CAMKMT: variants seen among roughly 807,000 people sequenced by gnomAD.
CAMKMT encodes CaM KMT.
In CAMKMT, 53 loss-of-function variants were observed where a neutral mutation model predicts 48.0. The ratio of observed to expected loss-of-function variants is 1.10; its 90% CI spans 0.89 to 1.39. The LOEUF (loss-of-function observed/expected upper bound fraction) is 1.39, where lower values mean the gene tolerates loss of function less well. CAMKMT is among the 40% of genes most tolerant of loss of function. CAMKMT has a pLI of 0.00. For missense variants in CAMKMT, 428 were observed against 402.7 expected (o/e 1.06, Z -0.54); for synonymous variants, 165 against 152.3 (o/e 1.08, Z -0.61).
chr2:44,748,808 C>T (rs1288309991), intron 8 of CAMKMT, among the ~76,000 whole-genome samples: 1 of 152,058 alleles, frequency 6.6e-6, no homozygotes. Flanking sequence ...ACCCGGGAGG[C>T]GGAGCTTGCA....
At chr2:44,478,184 G>T (rs1191816993) in intron 3 of CAMKMT, among the ~76,000 whole-genome samples, 2 of 152,104 alleles carry the variant, frequency 1.3e-5, no homozygotes, top group African/African-American at 4.8e-5. Flanking sequence ...GCTACATTTT[G>T]AAATATTCAC....
intron 4 of CAMKMT, chr2:44,705,422 T>G: frequency 1.0e-6 from 1 of 985,402 alleles, no homozygotes; most frequent in Non-Finnish European, 1.2e-6. Flanking sequence ...GCCCTGGAAG[T>G]CTGGCATTTG....
intron 3 of CAMKMT, among the ~76,000 whole-genome samples, chr2:44,581,549 T>C (rs918740168): frequency 1.3e-5 from 2 of 152,250 alleles, no homozygotes; most frequent in Admixed American, 6.5e-5. Context: ...GTTACTTAAA[T>C]AAATTATTGC....
intron 3 of CAMKMT, among the ~76,000 whole-genome samples, chr2:44,624,359 G>A (rs1472167695): frequency 6.6e-6 from 1 of 151,562 alleles, no homozygotes; most frequent in African/African-American, 2.4e-5. Flanking sequence ...TAAGTTTTAG[G>A]GTACATGTGC....
In CAMKMT at chr2:44,706,224, A is replaced by C. The variant is rs1677550981; in HGVS notation, c.438-63A>C. ...ATGGCAATTTGTTCTTGTAACATAT[A>C]TCTCTCTCTGACCATTTTCATCTAA... On this transcript the variant is annotated intron_variant, in intron 4 of 10. Coordinates refer to ENST00000378494, the MANE Select transcript of CAMKMT (RefSeq NM_024766.5). The C allele has an allele frequency of 3.2e-6, 5 of 1,545,030 alleles. No homozygotes were observed. The Admixed American group carries it at 8.4e-5, about 26-fold the overall frequency.
In CAMKMT at chr2:44,529,532, T is replaced by A. The variant is rs143910803; in HGVS notation, c.376+139227T>A. Among the ~76,000 whole-genome samples the A allele has an allele frequency of 4.6e-3, 694 of 152,292 alleles. 7 individuals are homozygous for A. The highest frequency in any genetic ancestry group is 0.016 in the African/African-American group (665 of 41,554). On this transcript the variant is annotated intron_variant, in intron 3 of 10. Transcript: ENST00000378494. ...TATGATACTCTAAGGAATGAATACATGTTCACCTTTATACAAGAAATCTGG... is the reference window on the plus strand; with the variant it reads ...TATGATACTCTAAGGAATGAATACAAGTTCACCTTTATACAAGAAATCTGG...
chr2:44,399,851 G>A (rs543621649), intron 3 of CAMKMT, among the ~76,000 whole-genome samples: 3 of 152,106 alleles, frequency 2.0e-5, no homozygotes, highest in East Asian at 1.9e-4. Flanking sequence ...GTACAGCCTC[G>A]TTTGCCTCCA....
intron 3 of CAMKMT, among the ~76,000 whole-genome samples, chr2:44,636,153 T>C (rs111229877): frequency 1.3e-5 from 2 of 152,066 alleles, no homozygotes; most frequent in African/African-American, 4.8e-5. Context: ...TACCTGGAAG[T>C]GGAGAAATAA....
intron 3 of CAMKMT, among the ~76,000 whole-genome samples, chr2:44,566,136 C>G (rs1668603492): frequency 6.6e-6 from 1 of 152,186 alleles, no homozygotes; most frequent in Non-Finnish European, 1.5e-5. Flanking sequence ...TGGCACATCT[C>G]CATACAGCAA....
chr2:44,585,354 C>A (rs575203989), intron 3 of CAMKMT, among the ~76,000 whole-genome samples: 1 of 152,308 alleles, frequency 6.6e-6, no homozygotes, highest in South Asian at 2.1e-4. Context: ...TTCAGCTGAA[C>A]TTCAGAAAGG....
At chr2:44,745,263 C>G (rs1334430790) in intron 8 of CAMKMT, among the ~76,000 whole-genome samples, 1 of 152,098 alleles carries the variant, frequency 6.6e-6, no homozygotes, top group African/African-American at 2.4e-5. Context: ...AAATTTGTCC[C>G]TTACGCAAAT....
intron 3 of CAMKMT, among the ~76,000 whole-genome samples, chr2:44,470,605 G>A (rs370549502): frequency 4.6e-5 from 7 of 152,212 alleles, no homozygotes; most frequent in East Asian, 3.9e-4. Flanking sequence ...TAAAAAGTAC[G>A]TTTACTGTCT....
intron 10 of CAMKMT, among the ~76,000 whole-genome samples, chr2:44,767,226 G>A (rs780665011): frequency 5.9e-5 from 9 of 152,248 alleles, no homozygotes; most frequent in Admixed American, 2.0e-4. Flanking sequence ...GGATTCTCAC[G>A]TTTGCTAGTA....
At chr2:44,535,015 G>T (rs200306779) in intron 3 of CAMKMT, among the ~76,000 whole-genome samples, 1 of 144,054 alleles carries the variant, frequency 6.9e-6, no homozygotes, top group African/African-American at 2.7e-5. Flanking sequence ...GGGAGAGGGG[G>T]AGAGAGAGAG....
chr2:44,646,063 GA>G (rs1673713015), intron 3 of CAMKMT, among the ~76,000 whole-genome samples: 1 of 152,126 alleles, frequency 6.6e-6, no homozygotes, highest in South Asian at 2.1e-4. Context: ...AAAAAATTGA[GA>G]ACTAGATCGA....
At chr2:44,550,501 A>C (rs1287731219) in intron 3 of CAMKMT, 5 of 152,216 alleles carry the variant, frequency 3.3e-5, no homozygotes, top group African/African-American at 1.2e-4. Flanking sequence ...TAGTAAAGGA[A>C]TTAAATCAAT....
At chr2:44,638,389 G>C (rs1057421743) in intron 3 of CAMKMT, among the ~76,000 whole-genome samples, 1 of 152,074 alleles carries the variant, frequency 6.6e-6, no homozygotes, top group South Asian at 2.1e-4. Context: ...CTTTACTGCA[G>C]GCATTATTGC....
chr2:44,698,287 GC>G lies in CAMKMT; in HGVS notation c.377-5994del, dbSNP rs761501666. On this transcript the variant is annotated intron_variant, in intron 3 of 10. Coordinates refer to ENST00000378494, the MANE Select transcript of CAMKMT (RefSeq NM_024766.5). The stretch of plus-strand genomic sequence containing the variant: ...CATTGTTGCCCTGGGCAGTTACCAT[GC>G]CACACTCCATCTTTATGAATATACC... Among the ~76,000 whole-genome samples, 19 of 152,262 alleles carry G rather than the reference GC, an allele frequency of 1.2e-4. No homozygotes were observed. In the East Asian group the frequency reaches 1.9e-3, roughly 15 times the overall value.
intron 3 of CAMKMT, among the ~76,000 whole-genome samples, chr2:44,598,508 T>A (rs1288519088): frequency 1.3e-5 from 2 of 151,630 alleles, no homozygotes; most frequent in East Asian, 3.9e-4. Context: ...GGAATTAGCA[T>A]TGTCCTCTTC....
Sources: gnomAD v4.1 joint callset for allele counts (sites outside exome capture counted in the v4.1 genomes callset) on GRCh38, gnomAD v4.1.1 for gene constraint, MANE v1.5 for transcripts, NCBI Gene and HGNC (gene_info 2026-07-23, HGNC 2026-07-21) for gene names.